Variants in PTGES3 observed in about 807,000 individuals in gnomAD.
The protein encoded by PTGES3 is prostaglandin E synthase 3.
PTGES3 carries 5 observed loss-of-function variants against 29.9 expected under a neutral mutation model. The ratio of observed to expected loss-of-function variants is 0.17; its 90% CI spans 0.09 to 0.35. The LOEUF (loss-of-function observed/expected upper bound fraction) is 0.35, where lower values mean the gene tolerates loss of function less well. PTGES3 is among the 10% of genes least tolerant of loss of function. The pLI is 1.00. For synonymous variants in PTGES3, 49 were observed against 57.8 expected (o/e 0.85, Z 0.69); for missense variants, 128 against 190.0 (o/e 0.67, Z 1.92).
At chr12:56,673,097 T>C (rs1194099015) in intron 1 of PTGES3, 32 bp from the exon 2 acceptor site, 2 of 1,441,080 alleles carry the variant, frequency 1.4e-6, no homozygotes, top group East Asian at 2.3e-5. Context: ...AAAGTCAAGC[T>C]GGAATTCATT....
At position 56,665,044 on chromosome 12, in the gene PTGES3, G is replaced by A. The variant is rs760493686; in HGVS notation, c.439-244C>T. On this transcript the variant is annotated intron_variant, in intron 6 of 7. Transcript: ENST00000262033. Reference sequence around the variant, plus strand: ...CTTTTGGTGACAATTTAGCCCACCCGTTGAATCCATTCCTAAATTAACCTA... The same window carrying A: ...CTTTTGGTGACAATTTAGCCCACCCATTGAATCCATTCCTAAATTAACCTA... 193 of 985,230 alleles carry A rather than the reference G, an allele frequency of 2.0e-4. 1 individual carries two copies. Among genetic ancestry groups the A allele is most frequent in the Non-Finnish European group, 2.2e-4 (183 of 829,912 alleles). The allele number at this position is 985,230 out of a possible 1,614,324, so 61.0% of individuals were successfully genotyped here. A position where few individuals can be genotyped will look rare whatever the true frequency, so the allele number is the denominator to read the frequency against.
intron 5 of PTGES3, 73 bp downstream of exon 5, chr12:56,670,202 A>G: frequency 9.6e-7 from 1 of 1,042,604 alleles, no homozygotes; most frequent in Non-Finnish European, 1.5e-6. Context: ...GGTGCCCAAA[A>G]CCATATTAAA....
chr12:56,669,241 C>G (rs760060104), intron 5 of PTGES3, among the ~76,000 whole-genome samples: 7 of 151,940 alleles, frequency 4.6e-5, no homozygotes, highest in Non-Finnish European at 1.0e-4. Flanking sequence ...GTTGCCCAGA[C>G]TGGAGTGCAA....
chr12:56,682,643 T>C (rs373080982), intron 1 of PTGES3, among the ~76,000 whole-genome samples: 13 of 149,684 alleles, frequency 8.7e-5, no homozygotes, highest in African/African-American at 3.2e-4. Context: ...AACCCAGGAC[T>C]TTGGGAGGAA....
chr12:56,686,154 G>A (rs1017349554), intron 1 of PTGES3, among the ~76,000 whole-genome samples: 1 of 151,842 alleles, frequency 6.6e-6, no homozygotes, highest in African/African-American at 2.4e-5. Flanking sequence ...ATCTCATGTG[G>A]CCTCCATCAA....
chr12:56,676,166 C>T lies in PTGES3; in HGVS notation c.3-3101G>A, dbSNP rs977685841. On this transcript the variant is annotated intron_variant, in intron 1 of 7. Coordinates refer to ENST00000262033, the MANE Select transcript of PTGES3 (RefSeq NM_006601.7). The stretch of plus-strand genomic sequence containing the variant: ...GAGGGGGAGGTGGAGGTGGAGGTTG[C>T]GGTAAGCCGAGATCACGCCACTGCA... Among the ~76,000 whole-genome samples the T allele has an allele frequency of 1.1e-4, 14 of 129,550 alleles. No individual in the cohort carries two copies. The South Asian group carries it at 2.7e-3, about 25-fold the overall frequency. The allele number at this position is 129,550 out of a possible 152,430, so 85.0% of individuals were successfully genotyped here.
Position 56,675,004 on chromosome 12 carries a change from C to CAAAGA in PTGES3, c.3-1940_3-1939insTCTTT, listed in dbSNP as rs1198387001. 5.6e-4 allele frequency among the ~76,000 whole-genome samples: 18 copies of CAAAGA among 32,358 alleles called. No individual in the cohort carries two copies. The South Asian group carries it at 0.027, about 49-fold the overall frequency. 21.2% of individuals were successfully genotyped at this position (32,358 alleles called of 152,430 possible). A position where few individuals can be genotyped will look rare whatever the true frequency, so the allele number is the denominator to read the frequency against. On this transcript the variant is annotated intron_variant, in intron 1 of 7. Transcript: ENST00000262033. The stretch of plus-strand genomic sequence containing the variant: ...GGGCAACAAGAGTGAAACTCGGTCT[C>CAAAGA]AAAAAAAAAAAAAAAAAAAAAAAGT...
chr12:56,686,454 A>T (rs1468416482), intron 1 of PTGES3, among the ~76,000 whole-genome samples: 2 of 151,772 alleles, frequency 1.3e-5, no homozygotes, highest in East Asian at 1.9e-4. Flanking sequence ...GCTCACCGCA[A>T]CCTCCACCTC....
chr12:56,684,449 T>C (rs756046478), intron 1 of PTGES3, among the ~76,000 whole-genome samples: 4 of 152,178 alleles, frequency 2.6e-5, no homozygotes, highest in Non-Finnish European at 4.4e-5. Flanking sequence ...ATTAACAATA[T>C]AGCATATGTT....
Position 56,664,490 on chromosome 12 carries a change from C to G in PTGES3, c.472G>C (p.Asp158His). Reference protein sequence around the residue: ...SQDSDDEKMPDLE With the variant: ...SQDSDDEKMPHLE ...GATGACAATATTCCTTACTCCAGAT[C>G]TGGCATTTCTGAAAGAATTTTTAAA... Residue 158 changes from aspartate (D) to histidine (H), a missense_variant, in exon 8 of 8, where the codon GAT (aspartate) becomes CAT (histidine). Physicochemically the swap from Asp to His is moderately conservative, Grantham distance 81. Transcript: ENST00000262033. 6.2e-7 allele frequency: 1 copy of G among 1,601,640 alleles called. No individual in the cohort carries two copies. Among genetic ancestry groups the G allele is most frequent in the Non-Finnish European group, 8.5e-7 (1 of 1,173,856 alleles).
At chr12:56,674,712 G>A (rs12318939) in intron 1 of PTGES3, among the ~76,000 whole-genome samples, 2,644 of 150,540 alleles carry the variant, frequency 0.018, 154 homozygotes, top group Admixed American at 0.11. Context: ...TGTAGTCCCA[G>A]CTACTCGGGA....
chr12:56,672,538 A>T (rs1416661038), intron 3 of PTGES3, among the ~76,000 whole-genome samples: 1 of 152,200 alleles, frequency 6.6e-6, no homozygotes, highest in East Asian at 1.9e-4. Flanking sequence ...CCTCAAGGAT[A>T]CTACTCTAAG....
At chr12:56,664,684 A>T in intron 7 of PTGES3, 92 bp downstream of exon 7, 1 of 1,473,126 alleles carries the variant, frequency 6.8e-7, no homozygotes, top group Non-Finnish European at 9.2e-7. Context: ...AGAAAAAATT[A>T]CTTTACTTCC....
In PTGES3 at chr12:56,687,345, G is replaced by A. The variant is rs117304423; in HGVS notation, c.2+653C>T. On this transcript the variant is annotated intron_variant, in intron 1 of 7. Transcript: ENST00000262033. Reference sequence around the variant, plus strand: ...CAATGGTAACTCCTCCTCGCTGCCAGGGAAGCGGCTGAGTTTTGGCAACCT... The same window carrying A: ...CAATGGTAACTCCTCCTCGCTGCCAAGGAAGCGGCTGAGTTTTGGCAACCT... The A allele has an allele frequency of 6.1e-6, 6 of 988,552 alleles. No individual in the cohort carries two copies. The East Asian group carries it at 6.7e-4, about 111-fold the overall frequency. The allele number at this position is 988,552 out of a possible 1,614,324, so 61.2% of individuals were successfully genotyped here.
At chr12:56,684,184 C>T (rs943623114) in intron 1 of PTGES3, among the ~76,000 whole-genome samples, 10 of 152,046 alleles carry the variant, frequency 6.6e-5, no homozygotes, top group Non-Finnish European at 1.3e-4. Context: ...GAGACAATCG[C>T]TAACCACAAG....
At chr12:56,672,263 G>A (rs183285204) in intron 3 of PTGES3, among the ~76,000 whole-genome samples, 20 of 152,244 alleles carry the variant, frequency 1.3e-4, no homozygotes, top group African/African-American at 4.3e-4. Context: ...CAGCACTTTG[G>A]GAGGCCGAGG....
intron 2 of PTGES3, 62 bp downstream of exon 2, chr12:56,672,890 G>A (rs1592253430): frequency 1.3e-6 from 2 of 1,552,688 alleles, no homozygotes. Context: ...AGACAAGCCA[G>A]TCAAAGTTAT....
chr12:56,665,849 C>T (rs1565858145), intron 6 of PTGES3: 2 of 838,360 alleles, frequency 2.4e-6, no homozygotes, highest in South Asian at 5.4e-5. Context: ...AGGCTGGTCT[C>T]GAACTCCTGA....
intron 5 of PTGES3, among the ~76,000 whole-genome samples, chr12:56,669,615 G>A (rs1288165733): frequency 6.6e-6 from 1 of 151,548 alleles, no homozygotes; most frequent in Non-Finnish European, 1.5e-5. Flanking sequence ...TTATCGTTCT[G>A]CATTTATTTA....
Sources: allele counts gnomAD v4.1 joint callset (sites outside exome capture counted in the v4.1 genomes callset), GRCh38; gene constraint gnomAD v4.1.1; transcripts MANE v1.5; gene names NCBI Gene and HGNC (gene_info 2026-07-23, HGNC 2026-07-21).